The following THSD7A variants were observed in gnomAD, a reference collection of about 807,000 sequenced individuals.
THSD7A encodes the protein thrombospondin type 1 domain containing 7A, also known as thrombospondin type-1 domain-containing protein 7A.
In THSD7A, 96 loss-of-function variants were observed where a neutral mutation model predicts 231.3. The observed-to-expected ratio is 0.41, with a 90% confidence interval of 0.35 to 0.49. THSD7A has a LOEUF of 0.49. Ranked by LOEUF, THSD7A falls within the 20% of genes least tolerant of loss-of-function variation. The probability of loss-of-function intolerance (pLI) is 0.05; values close to 1 mark genes in which losing one functional copy is unlikely to be tolerated. For synonymous variants in THSD7A, 940 were observed against 743.3 expected (o/e 1.26, Z -4.30); for missense variants, 2,290 against 2,070.2 (o/e 1.11, Z -2.06).
chr7:11,414,275 C>A (rs543483336), intron 17 of THSD7A, among the ~76,000 whole-genome samples: 1 of 152,168 alleles, frequency 6.6e-6, no homozygotes, highest in African/African-American at 2.4e-5. Context: ...CTCTGTTTCA[C>A]CTTTTGACAT....
intron 1 of THSD7A, among the ~76,000 whole-genome samples, chr7:11,823,364 T>C (rs931123169): frequency 3.9e-5 from 6 of 152,260 alleles, no homozygotes; most frequent in African/African-American, 1.4e-4. Flanking sequence ...AGCCTCATAA[T>C]ATAATTTGAA....
Position 11,377,568 on chromosome 7 carries a change from C to T in THSD7A, c.4802-911G>A, listed in dbSNP as rs181040669. Among the ~76,000 whole-genome samples the T allele has an allele frequency of 5.3e-5, 8 of 151,944 alleles. No homozygotes were observed. The highest frequency in any genetic ancestry group is 1.9e-4 in the East Asian group (1 of 5,170). ...ATTGGTACTGTGGAATTTTTTTGCC[C>T]GGAGTTAGATCAAGTTAGAGGTTCA... On this transcript the variant is annotated intron_variant, in intron 26 of 27. Coordinates refer to ENST00000423059, the MANE Select transcript of THSD7A (RefSeq NM_015204.3). This position sits in a 1 kb window ranked among gnomAD's most constrained non-coding sequence, Gnocchi z 4.5.
At chr7:11,475,641 A>G (rs1786138186) in intron 7 of THSD7A, among the ~76,000 whole-genome samples, 3 of 148,918 alleles carry the variant, frequency 2.0e-5, no homozygotes, top group Non-Finnish European at 1.5e-5. Flanking sequence ...ATATATGCAT[A>G]CATGTAATGA....
intron 6 of THSD7A, among the ~76,000 whole-genome samples, chr7:11,535,544 C>T (rs1415698174): frequency 6.6e-6 from 1 of 151,482 alleles, no homozygotes; most frequent in African/African-American, 2.4e-5. Flanking sequence ...TTTAGACGAT[C>T]CTAATTGTAA....
At chr7:11,795,911 T>C (rs1784109661) in intron 1 of THSD7A, among the ~76,000 whole-genome samples, 1 of 151,318 alleles carries the variant, frequency 6.6e-6, no homozygotes, top group African/African-American at 2.4e-5. Flanking sequence ...AGTCAACAAA[T>C]CAATTATTTT....
intron 2 of THSD7A, among the ~76,000 whole-genome samples, chr7:11,608,320 A>G (rs942870433): frequency 6.6e-6 from 1 of 152,190 alleles, no homozygotes. Flanking sequence ...GGTAACCAAA[A>G]GATGTTTTAG....
chr7:11,587,470 AAAATAT>A (rs1779957001), intron 4 of THSD7A, among the ~76,000 whole-genome samples: 1 of 152,190 alleles, frequency 6.6e-6, no homozygotes, highest in Admixed American at 6.5e-5. Flanking sequence ...GTGCAATAAT[AAAATAT>A]AGACACTCTC....
intron 1 of THSD7A, among the ~76,000 whole-genome samples, chr7:11,735,971 G>A (rs1005500994): frequency 2.0e-5 from 3 of 151,778 alleles, no homozygotes; most frequent in African/African-American, 7.2e-5. Context: ...TACTTCTAGT[G>A]TTATATTAAA....
In THSD7A at chr7:11,420,181, A is replaced by G. The variant is rs367784124; in HGVS notation, c.3384-2578T>C. 1.5e-4 allele frequency among the ~76,000 whole-genome samples: 23 copies of G among 152,370 alleles called. No individual in the cohort carries two copies. The East Asian group carries it at 2.1e-3, about 14-fold the overall frequency. On this transcript the variant is annotated intron_variant, in intron 16 of 27. Transcript: ENST00000423059. ...GAATTTGCATAAGTAAAGAGGAGCCAAATGTTAGTAGCCAAGACATGGGGA... is the reference window on the plus strand; with the variant it reads ...GAATTTGCATAAGTAAAGAGGAGCCGAATGTTAGTAGCCAAGACATGGGGA...
rs140820029 is a variant in THSD7A at position 11,747,925 on chromosome 7, A to G, written c.190+83832T>C. On this transcript the variant is annotated intron_variant, in intron 1 of 27. Coordinates refer to ENST00000423059, the MANE Select transcript of THSD7A (RefSeq NM_015204.3). ...TAATAGGCCACTTTCAGGGAAATGGAAACAATTTTTGCATGACAGAATGTG... is the reference window on the plus strand; with the variant it reads ...TAATAGGCCACTTTCAGGGAAATGGGAACAATTTTTGCATGACAGAATGTG... Among the ~76,000 whole-genome samples, 833 of 152,100 alleles carry G rather than the reference A, an allele frequency of 5.5e-3. 7 individuals are homozygous for G. The highest frequency in any genetic ancestry group is 0.019 in the African/African-American group (796 of 41,542).
intron 1 of THSD7A, among the ~76,000 whole-genome samples, chr7:11,667,323 T>C (rs60331836): frequency 0.04 from 6,111 of 152,236 alleles, 398 homozygotes; most frequent in African/African-American, 0.14. Context: ...TTCCATTCCA[T>C]TGTTTACAAC....
At chr7:11,486,976 T>C (rs1759281037) in intron 6 of THSD7A, among the ~76,000 whole-genome samples, 1 of 152,202 alleles carries the variant, frequency 6.6e-6, no homozygotes, top group Middle Eastern at 3.2e-3. Flanking sequence ...AAAATGAAAA[T>C]GCTTTGGTTT....
intron 1 of THSD7A, among the ~76,000 whole-genome samples, chr7:11,689,241 A>G (rs900888056): frequency 6.6e-6 from 1 of 151,888 alleles, no homozygotes; most frequent in Non-Finnish European, 1.5e-5. Flanking sequence ...AATGGCAACT[A>G]TTATGTAAGG....
chr7:11,757,424 C>T (rs1782719156), intron 1 of THSD7A, among the ~76,000 whole-genome samples: 1 of 151,888 alleles, frequency 6.6e-6, no homozygotes, highest in Non-Finnish European at 1.5e-5. Context: ...TATACTTTCA[C>T]AACACAATAA....
At chr7:11,418,435 T>C (rs1298190006) in intron 16 of THSD7A, among the ~76,000 whole-genome samples, 1 of 152,174 alleles carries the variant, frequency 6.6e-6, no homozygotes, top group African/African-American at 2.4e-5. Flanking sequence ...GGCACTTAAG[T>C]ATTATAGCAG....
At chr7:11,512,597 G>A (rs1366642699) in intron 6 of THSD7A, among the ~76,000 whole-genome samples, 1 of 151,964 alleles carries the variant, frequency 6.6e-6, no homozygotes, top group Non-Finnish European at 1.5e-5. Context: ...AGAATACTAT[G>A]CAGCCATAAA....
intron 1 of THSD7A, among the ~76,000 whole-genome samples, chr7:11,769,512 T>G (rs902719040): frequency 1.6e-4 from 24 of 152,076 alleles, no homozygotes; most frequent in Admixed American, 4.6e-4. Flanking sequence ...TATTTATCTT[T>G]TTTTTCAAGA....
chr7:11,787,237 C>A (rs1337402712), intron 1 of THSD7A, among the ~76,000 whole-genome samples: 4 of 151,264 alleles, frequency 2.6e-5, no homozygotes, highest in African/African-American at 4.9e-5. Context: ...AGACACAGAT[C>A]TGACATTCTT....
intron 9 of THSD7A, among the ~76,000 whole-genome samples, chr7:11,462,812 T>A (rs368389734): frequency 6.6e-6 from 1 of 152,250 alleles, no homozygotes; most frequent in African/African-American, 2.4e-5. Flanking sequence ...CTCTAAAGTA[T>A]GTTAAAAATG....
Sources: allele counts gnomAD v4.1 joint callset (sites outside exome capture counted in the v4.1 genomes callset), GRCh38; gene constraint gnomAD v4.1.1; non-coding constraint Gnocchi (gnomAD v3.1); transcripts MANE v1.5; gene names NCBI Gene and HGNC (gene_info 2026-07-23, HGNC 2026-07-21).